Variants in MEOX2 observed in about 807,000 individuals in gnomAD.
MEOX2 encodes the protein homeobox protein MOX-2.
MEOX2 carries 11 observed loss-of-function variants against 27.0 expected under a neutral mutation model. The observed-to-expected ratio is 0.41, with a 90% CI of 0.26 to 0.68. The LOEUF (loss-of-function observed/expected upper bound fraction) is 0.68. MEOX2 is among the 30% of genes least tolerant of loss of function. MEOX2 has a pLI of 0.33. For missense variants in MEOX2, 436 were observed against 385.4 expected, an observed-to-expected ratio of 1.13 and a Z score of -1.10; for synonymous variants, 189 against 155.4, an observed-to-expected ratio of 1.22 and a Z score of -1.61.
At chr7:15,645,320 A>G (rs1781623680) in intron 1 of MEOX2, among the ~76,000 whole-genome samples, 1 of 152,344 alleles carries the variant, frequency 6.6e-6, no homozygotes, top group Middle Eastern at 3.4e-3. Flanking sequence ...CTTTTTAATC[A>G]TGTGCATTAC....
At chr7:15,646,665 T>C (rs1040883899) in intron 1 of MEOX2, among the ~76,000 whole-genome samples, 2 of 152,036 alleles carry the variant, frequency 1.3e-5, no homozygotes, top group Non-Finnish European at 2.9e-5. Context: ...GTTTTCATAA[T>C]GGAAGAAGTC....
chr7:15,664,862 CA>C (rs1211378743), intron 1 of MEOX2, among the ~76,000 whole-genome samples: 1 of 152,106 alleles, frequency 6.6e-6, no homozygotes, highest in African/African-American at 2.4e-5. Flanking sequence ...GTGAAGACCC[CA>C]CCACTCCTTC....
At chr7:15,633,272 C>T (rs1204434126) in intron 1 of MEOX2, among the ~76,000 whole-genome samples, 1 of 151,878 alleles carries the variant, frequency 6.6e-6, no homozygotes, top group African/African-American at 2.4e-5. Flanking sequence ...CTCAAGCTTC[C>T]ACATGTGTCC....
chr7:15,623,036 A>T (rs1323520880), intron 2 of MEOX2, among the ~76,000 whole-genome samples: 1 of 152,212 alleles, frequency 6.6e-6, no homozygotes, highest in African/African-American at 2.4e-5. Flanking sequence ...AACTGTGAGA[A>T]ATAAATGTGT....
chr7:15,613,210 G>C (rs1019957987), intron 2 of MEOX2, among the ~76,000 whole-genome samples: 29 of 151,930 alleles, frequency 1.9e-4, no homozygotes, highest in African/African-American at 6.0e-4. Context: ...ATTTGATCTA[G>C]TGATTTCTTT....
intron 1 of MEOX2, among the ~76,000 whole-genome samples, chr7:15,644,536 C>T (rs929151132): frequency 3.3e-5 from 5 of 152,108 alleles, no homozygotes; most frequent in African/African-American, 2.4e-5. Flanking sequence ...TGAATCTGCT[C>T]CTGCACCTTG....
intron 2 of MEOX2, among the ~76,000 whole-genome samples, chr7:15,625,257 A>C (rs77191126): frequency 0.04 from 6,043 of 152,302 alleles, 177 homozygotes; most frequent in Admixed American, 0.067. Context: ...GTTTAAAAAA[A>C]ATAATAAAAT....
chr7:15,638,470 TG>T (rs1781516398), intron 1 of MEOX2, among the ~76,000 whole-genome samples: 1 of 152,150 alleles, frequency 6.6e-6, no homozygotes, highest in Non-Finnish European at 1.5e-5. Flanking sequence ...ATGCAAATTT[TG>T]TGCATATGTA....
chr7:15,632,045 G>C (rs1466571645), intron 1 of MEOX2, among the ~76,000 whole-genome samples: 2 of 151,610 alleles, frequency 1.3e-5, no homozygotes, highest in African/African-American at 4.8e-5. Flanking sequence ...ACATATCTCA[G>C]AATTTATACA....
intron 1 of MEOX2, chr7:15,668,139 G>A (rs1006461458): frequency 6.6e-6 from 1 of 152,188 alleles, no homozygotes; most frequent in African/African-American, 2.4e-5. Context: ...ACAGGGGGTG[G>A]AAACTGTGTA....
chr7:15,684,027 T>C (rs1199527602), intron 1 of MEOX2, among the ~76,000 whole-genome samples: 1 of 152,186 alleles, frequency 6.6e-6, no homozygotes, highest in East Asian at 1.9e-4. Flanking sequence ...TTAAAAAAAT[T>C]ATTAAAATAA....
intron 2 of MEOX2, among the ~76,000 whole-genome samples, chr7:15,623,756 G>C (rs1393677612): frequency 6.6e-6 from 1 of 152,238 alleles, no homozygotes; most frequent in Non-Finnish European, 1.5e-5. Context: ...ATGTTGGAAT[G>C]AAATGGTGCA....
chr7:15,676,819 C>A (rs908709037), intron 1 of MEOX2, among the ~76,000 whole-genome samples: 7 of 151,612 alleles, frequency 4.6e-5, no homozygotes, highest in Non-Finnish European at 8.8e-5. Context: ...GATTGCGCCA[C>A]TGCACTCCAG....
intron 2 of MEOX2, among the ~76,000 whole-genome samples, chr7:15,617,460 C>G (rs1397243960): frequency 6.6e-6 from 1 of 151,802 alleles, no homozygotes; most frequent in African/African-American, 2.4e-5. Context: ...AGTAGCTGAA[C>G]TACAACTGAT....
chr7:15,650,098 C>T (rs1447788491), intron 1 of MEOX2, among the ~76,000 whole-genome samples: 2 of 152,078 alleles, frequency 1.3e-5, no homozygotes, highest in Non-Finnish European at 2.9e-5. Flanking sequence ...TCCAGCTCTT[C>T]TAATTGCCTA....
intron 1 of MEOX2, among the ~76,000 whole-genome samples, chr7:15,656,884 A>G (rs1020146053): frequency 6.6e-6 from 1 of 151,752 alleles, no homozygotes; most frequent in Non-Finnish European, 1.5e-5. Flanking sequence ...TAGTCCTGCT[A>G]GGAAAATTCT....
At chr7:15,619,852 A>C (rs933945289) in intron 2 of MEOX2, among the ~76,000 whole-genome samples, 1 of 152,074 alleles carries the variant, frequency 6.6e-6, no homozygotes, top group African/African-American at 2.4e-5. Flanking sequence ...GGGATGAGTT[A>C]CTTATTTCTT....
At chr7:15,625,480 T>C (rs1051218411) in intron 2 of MEOX2, among the ~76,000 whole-genome samples, 3 of 152,184 alleles carry the variant, frequency 2.0e-5, no homozygotes, top group Admixed American at 2.0e-4. Flanking sequence ...ATAAATAACC[T>C]ACCAAAGCTG....
intron 1 of MEOX2, among the ~76,000 whole-genome samples, chr7:15,674,237 G>A (rs1024658672): frequency 5.3e-5 from 8 of 151,902 alleles, no homozygotes; most frequent in Admixed American, 2.0e-4. Flanking sequence ...GAAATGATAC[G>A]GTCAAAATAA....
Sources: gnomAD v4.1 joint callset for allele counts (sites outside exome capture counted in the v4.1 genomes callset) on GRCh38, gnomAD v4.1.1 for gene constraint, MANE v1.5 for transcripts, NCBI Gene and HGNC (gene_info 2026-07-23, HGNC 2026-07-21) for gene names.